MAP2K5: variants seen among roughly 807,000 people sequenced by gnomAD.
MAP2K5 encodes the protein mitogen-activated protein kinase kinase 5, also known as dual specificity mitogen-activated protein kinase kinase 5.
Under a neutral mutation model 83.1 loss-of-function variants are expected in MAP2K5, and 49 were observed. The observed-to-expected ratio is 0.59, with a 90% CI of 0.47 to 0.75. The LOEUF (loss-of-function observed/expected upper bound fraction) is 0.75. Among genes scored for constraint, MAP2K5 ranks in the 30% least tolerant of loss-of-function variants. The pLI is 0.00. For missense variants in MAP2K5, 457 were observed against 557.5 expected (o/e 0.82, Z 1.82); for synonymous variants, 202 against 191.8 (o/e 1.05, Z -0.44).
chr15:67,692,829 C>T (rs1429025901), intron 14 of MAP2K5, among the ~76,000 whole-genome samples: 2 of 152,166 alleles, frequency 1.3e-5, no homozygotes, highest in Non-Finnish European at 2.9e-5. Context: ...GATATGAAAG[C>T]GTTTTGGCCA....
chr15:67,595,662 T>TAA (rs1344847653), intron 7 of MAP2K5, among the ~76,000 whole-genome samples: 1 of 152,242 alleles, frequency 6.6e-6, no homozygotes, highest in African/African-American at 2.4e-5. Flanking sequence ...GTTTAACACT[T>TAA]AGTCTTTGGA....
intron 12 of MAP2K5, among the ~76,000 whole-genome samples, chr15:67,662,552 G>A (rs972839815): frequency 1.1e-4 from 16 of 152,050 alleles, no homozygotes; most frequent in African/African-American, 3.6e-4. Flanking sequence ...GTAAGTTCAC[G>A]CTCATGTGCA....
chr15:67,562,248 A>G lies in MAP2K5; in HGVS notation c.185-1035A>G, dbSNP rs1035761626. Reference sequence around the variant, plus strand: ...CTGTCCTCACTGTTGACAAATCTTTATAGAAGGATGAAGAGTTAACTATAT... The same window carrying G: ...CTGTCCTCACTGTTGACAAATCTTTGTAGAAGGATGAAGAGTTAACTATAT... On this transcript the variant is annotated intron_variant, in intron 2 of 21. Coordinates refer to ENST00000178640, the MANE Select transcript of MAP2K5 (RefSeq NM_145160.3). This position sits in a 1 kb window ranked among gnomAD's most constrained non-coding sequence, Gnocchi z 4.1. 2.6e-5 allele frequency among the ~76,000 whole-genome samples: 4 copies of G among 152,162 alleles called. No homozygotes were observed. The highest frequency in any genetic ancestry group is 1.3e-4 in the Admixed American group (2 of 15,288).
Position 67,563,201 on chromosome 15 carries a change from G to A in MAP2K5, c.185-82G>A, listed in dbSNP as rs1388878005. On this transcript the variant is annotated intron_variant, in intron 2 of 21. Coordinates refer to ENST00000178640, the MANE Select transcript of MAP2K5 (RefSeq NM_145160.3). This position sits in a 1 kb window ranked among gnomAD's most constrained non-coding sequence, Gnocchi z 4.5. ...GTGTTGAGGGTTAGAATATCACATTGTAATAAACCGTTTATATTATGTTCC... is the reference window on the plus strand; with the variant it reads ...GTGTTGAGGGTTAGAATATCACATTATAATAAACCGTTTATATTATGTTCC... The A allele has an allele frequency of 5.4e-6, 8 of 1,494,424 alleles. No homozygotes were observed. The East Asian group carries it at 1.4e-4, about 26-fold the overall frequency. The allele number at this position is 1,494,424 out of a possible 1,614,324, so 92.6% of individuals were successfully genotyped here.
intron 13 of MAP2K5, among the ~76,000 whole-genome samples, chr15:67,675,716 T>C (rs1313763314): frequency 6.6e-6 from 1 of 152,164 alleles, no homozygotes; most frequent in Non-Finnish European, 1.5e-5. Flanking sequence ...AAAAAGAATA[T>C]ATCATCTTTC....
Position 67,801,760 on chromosome 15 carries a change from A to G in MAP2K5, c.1243-4886A>G, listed in dbSNP as rs569682008. 4.8e-4 allele frequency among the ~76,000 whole-genome samples: 73 copies of G among 152,214 alleles called. No homozygotes were observed. The highest frequency in any genetic ancestry group is 9.0e-4 in the Non-Finnish European group (61 of 68,042). On this transcript the variant is annotated intron_variant, in intron 21 of 21. Coordinates refer to ENST00000178640, the MANE Select transcript of MAP2K5 (RefSeq NM_145160.3). The surrounding 1 kb of genome is among the most constrained non-coding windows in gnomAD (Gnocchi z 4.8). ...AAGTGCTCAGTAAGTAGATGTATACATACAGAATATAGAAGTCACCTTTTC... is the reference window on the plus strand; with the variant it reads ...AAGTGCTCAGTAAGTAGATGTATACGTACAGAATATAGAAGTCACCTTTTC...
chr15:67,566,221 G>A (rs543795191), intron 3 of MAP2K5, among the ~76,000 whole-genome samples: 1 of 152,092 alleles, frequency 6.6e-6, no homozygotes, highest in East Asian at 1.9e-4. Context: ...GTTGCCTAGG[G>A]TGGAGTGCAG....
chr15:67,725,358 A>G (rs906076543), intron 16 of MAP2K5, among the ~76,000 whole-genome samples: 1 of 152,186 alleles, frequency 6.6e-6, no homozygotes, highest in African/African-American at 2.4e-5. Flanking sequence ...TTTGTGTTGA[A>G]TCGGGAAGAA....
chr15:67,551,992 G>T (rs2084519361), intron 2 of MAP2K5, among the ~76,000 whole-genome samples: 1 of 149,702 alleles, frequency 6.7e-6, no homozygotes, highest in African/African-American at 2.4e-5. Flanking sequence ...TGTATTGAAA[G>T]ATAGGATCTG....
chr15:67,562,470 T>A lies in MAP2K5; in HGVS notation c.185-813T>A, dbSNP rs765320852. Among the ~76,000 whole-genome samples, 25 of 152,208 alleles carry A rather than the reference T, an allele frequency of 1.6e-4. No individual in the cohort carries two copies. Among genetic ancestry groups the A allele is most frequent in the Non-Finnish European group, 3.1e-4 (21 of 68,036 alleles). ...AGAGAAGTATCATGAAATAAATACA[T>A]TATTTCTAGATGTGGCCTCTGATGA... On this transcript the variant is annotated intron_variant, in intron 2 of 21. Transcript: ENST00000178640. This position sits in a 1 kb window ranked among gnomAD's most constrained non-coding sequence, Gnocchi z 4.1.
intron 11 of MAP2K5, 21 bp downstream of exon 11, chr15:67,646,490 T>C (rs1488560742): frequency 7.1e-7 from 1 of 1,409,242 alleles, no homozygotes; most frequent in Non-Finnish European, 9.9e-7. Context: ...CCTTTTATAA[T>C]ACTTTTAAAA....
At chr15:67,691,822 C>T (rs2088121518) in intron 13 of MAP2K5, among the ~76,000 whole-genome samples, 1 of 151,852 alleles carries the variant, frequency 6.6e-6, no homozygotes, top group Non-Finnish European at 1.5e-5. Context: ...ATAACAGCAG[C>T]CAAAAATAAT....
intron 3 of MAP2K5, among the ~76,000 whole-genome samples, chr15:67,569,760 G>C (rs956284487): frequency 8.5e-5 from 13 of 152,132 alleles, no homozygotes; most frequent in African/African-American, 3.1e-4. Flanking sequence ...GGGCACTCTG[G>C]GGACCACTGG....
rs537133869 is a variant in MAP2K5, at chr15:67,802,973, G to A, written c.1243-3673G>A. 1.3e-3 allele frequency among the ~76,000 whole-genome samples: 202 copies of A among 152,332 alleles called. 4 individuals are homozygous for A. In the South Asian group the frequency reaches 0.021, roughly 16 times the overall value. ...ACAGGAGAGCAAGGCGTTTGGAGTC[G>A]GAGACCCATGTTCTGGTTCTAGCCC... On this transcript the variant is annotated intron_variant, in intron 21 of 21. Transcript: ENST00000178640. The surrounding 1 kb of genome is among the most constrained non-coding windows in gnomAD (Gnocchi z 5.0).
chr15:67,772,644 A>C, intron 20 of MAP2K5, 63 bp from the exon 21 acceptor site: 1 of 1,125,724 alleles, frequency 8.9e-7, no homozygotes, highest in Non-Finnish European at 1.3e-6. Flanking sequence ...CATTGGTAGA[A>C]ATTATAGCAA....
At chr15:67,726,885 G>A (rs2089107763) in intron 16 of MAP2K5, among the ~76,000 whole-genome samples, 1 of 152,174 alleles carries the variant, frequency 6.6e-6, no homozygotes, top group African/African-American at 2.4e-5. Flanking sequence ...CTTTAAATAG[G>A]TTTTTGTATG....
At chr15:67,754,897 T>C (rs1161680805) in intron 19 of MAP2K5, among the ~76,000 whole-genome samples, 1 of 152,194 alleles carries the variant, frequency 6.6e-6, no homozygotes, top group Non-Finnish European at 1.5e-5. Flanking sequence ...ATCTGTATTT[T>C]TTTCTAAGAC....
At chr15:67,788,364 G>A (rs1346618633) in intron 21 of MAP2K5, among the ~76,000 whole-genome samples, 1 of 152,144 alleles carries the variant, frequency 6.6e-6, no homozygotes, top group East Asian at 1.9e-4. Context: ...GGTTATACAG[G>A]CTGTCCCCAG....
intron 8 of MAP2K5, chr15:67,628,684 C>T (rs1476194659): frequency 5.6e-6 from 5 of 885,634 alleles, no homozygotes; most frequent in Non-Finnish European, 9.4e-6. Flanking sequence ...CTGTGAATGG[C>T]CACAACGGTG....
Sources: gnomAD v4.1 joint callset for allele counts (sites outside exome capture counted in the v4.1 genomes callset) on GRCh38, gnomAD v4.1.1 for gene constraint, Gnocchi (gnomAD v3.1) non-coding constraint, MANE v1.5 for transcripts, NCBI Gene and HGNC (gene_info 2026-07-23, HGNC 2026-07-21) for gene names.